The following PPFIA1 variants were observed in gnomAD, a reference collection of about 807,000 sequenced individuals.
The protein encoded by PPFIA1 is liprin-alpha-1.
A neutral mutation model predicts 149.9 loss-of-function variants in PPFIA1; 25 were observed. The observed-to-expected ratio is 0.17, with a 90% confidence interval of 0.12 to 0.23. The LOEUF (loss-of-function observed/expected upper bound fraction) is 0.23, where lower values mean the gene tolerates loss of function less well. Among genes scored for constraint, PPFIA1 ranks in the 10% least tolerant of loss-of-function variants. The probability of loss-of-function intolerance (pLI) is 1.00; values close to 1 mark genes in which losing one functional copy is unlikely to be tolerated. For missense variants in PPFIA1, 1,362 were observed against 1,506.5 expected (o/e 0.90, Z 1.59); for synonymous variants, 549 against 552.8 (o/e 0.99, Z 0.10).
At chr11:70,347,817 C>A (rs1453654066) in intron 15 of PPFIA1, among the ~76,000 whole-genome samples, 1 of 152,104 alleles carries the variant, frequency 6.6e-6, no homozygotes, top group Non-Finnish European at 1.5e-5. Context: ...GCCTGGCCAA[C>A]ATGGTGAAAC....
At chr11:70,348,129 T>A (rs1051501231) in intron 15 of PPFIA1, 60 bp from the exon 16 acceptor site, 1 of 1,479,178 alleles carries the variant, frequency 6.8e-7, no homozygotes, top group East Asian at 2.3e-5. Flanking sequence ...GTTTTTCTCA[T>A]GCAAACACAT....
chr11:70,274,291 C>CA (rs1198100667), intron 2 of PPFIA1, among the ~76,000 whole-genome samples: 1 of 152,138 alleles, frequency 6.6e-6, no homozygotes, highest in Non-Finnish European at 1.5e-5. Flanking sequence ...ATAACTATAG[C>CA]ATACAGCAGA....
chr11:70,353,408 C>T (rs1361825000), intron 16 of PPFIA1, among the ~76,000 whole-genome samples: 2 of 152,172 alleles, frequency 1.3e-5, no homozygotes, highest in African/African-American at 4.8e-5. Context: ...AAATAAAGTT[C>T]ACTGTTCAAG....
At chr11:70,316,362 A>G (rs60780459) in intron 2 of PPFIA1, among the ~76,000 whole-genome samples, 33,325 of 152,210 alleles carry the variant, frequency 0.22, 5,569 homozygotes, top group African/African-American at 0.46. Flanking sequence ...ATGTGCCACC[A>G]TGCCCTGCCA....
intron 2 of PPFIA1, among the ~76,000 whole-genome samples, chr11:70,272,728 A>G (rs972912417): frequency 1.3e-5 from 2 of 152,206 alleles, no homozygotes; most frequent in Non-Finnish European, 2.9e-5. Flanking sequence ...CTCTGAAGCA[A>G]CCAATCTATT....
At chr11:70,297,167 G>A (rs1485056889) in intron 2 of PPFIA1, among the ~76,000 whole-genome samples, 1 of 152,144 alleles carries the variant, frequency 6.6e-6, no homozygotes, top group Non-Finnish European at 1.5e-5. Flanking sequence ...CCAGCACTTT[G>A]GGAGGCTGAG....
In PPFIA1 at chr11:70,326,725, T is replaced by C. The variant is rs1380039613; in HGVS notation, c.837T>C (p.His279=). ...MKERLASLSS[H]VTELEEDLDT... is the part of the protein sequence containing the mutation. ...AACGCCTGGCTTCCCTTTCCAGTCA[T>C]GTGACAGAACTGGAAGAGGATCTGG... The change falls in exon 7 of 28, where the codon CAT becomes CAC. Residue 279 remains histidine, a synonymous_variant. Transcript: ENST00000253925. The C allele has an allele frequency of 1.2e-6, 2 of 1,614,148 alleles. No homozygotes were observed. Among genetic ancestry groups the C allele is most frequent in the Non-Finnish European group, 1.7e-6 (2 of 1,180,016 alleles).
At chr11:70,301,751 G>A (rs1338265564) in intron 2 of PPFIA1, among the ~76,000 whole-genome samples, 1 of 152,178 alleles carries the variant, frequency 6.6e-6, no homozygotes, top group Non-Finnish European at 1.5e-5. Context: ...TTCGTTTACA[G>A]TTGTGTATCT....
chr11:70,279,006 C>A, intron 2 of PPFIA1: 2 of 545,038 alleles, frequency 3.7e-6, no homozygotes, highest in Non-Finnish European at 3.5e-6. Flanking sequence ...GAAGAGAGAG[C>A]CCAATTCTTT....
intron 8 of PPFIA1, among the ~76,000 whole-genome samples, chr11:70,331,494 C>T (rs2054655399): frequency 6.6e-6 from 1 of 152,006 alleles, no homozygotes; most frequent in African/African-American, 2.4e-5. Context: ...GAAAACCTTA[C>T]CCAGGCCGGG....
chr11:70,279,126 A>G (rs765134360), intron 2 of PPFIA1: 5 of 544,312 alleles, frequency 9.2e-6, no homozygotes, highest in Non-Finnish European at 1.7e-5. Context: ...GTACTCCAGG[A>G]TGGCTGTGCT....
chr11:70,354,406 G>C lies in PPFIA1; in HGVS notation c.2269G>C (p.Gly757Arg), dbSNP rs769334632. 1 of 1,613,970 alleles carries C rather than the reference G, an allele frequency of 6.2e-7. No individual in the cohort carries two copies. Among genetic ancestry groups the C allele is most frequent in the South Asian group, 1.1e-5 (1 of 91,056 alleles). The change falls in exon 17 of 28, where the codon GGG (glycine) becomes CGG (arginine). Residue 757 changes from glycine (G) to arginine (R), a missense_variant. Around this residue, in one of 7 missense-constraint regions of PPFIA1, gnomAD observed 733 missense variants for 744.1 expected, o/e 0.99. Transcript: ENST00000253925. ...RALRLDRLHK[G>R]ALHTVSHEDI... is the part of the protein sequence containing the mutation. ...CCTTCGGTTAGACCGGCTGCACAAA[G>C]GGGCGCTGCACACCGTCAGCCACGA... is the stretch of plus-strand genomic sequence containing the variant.
At chr11:70,379,531 C>T (rs1440369984) in intron 26 of PPFIA1, among the ~76,000 whole-genome samples, 3 of 151,482 alleles carry the variant, frequency 2.0e-5, no homozygotes, top group African/African-American at 7.3e-5. Context: ...AATCCTAGCA[C>T]TTTGATAGGC....
intron 2 of PPFIA1, among the ~76,000 whole-genome samples, chr11:70,314,387 A>G (rs1042503726): frequency 3.3e-5 from 5 of 152,142 alleles, no homozygotes; most frequent in Non-Finnish European, 5.9e-5. Context: ...TGAACAAGTT[A>G]CGTGTCCATG....
At chr11:70,310,006 G>A (rs2053152800) in intron 2 of PPFIA1, among the ~76,000 whole-genome samples, 1 of 152,210 alleles carries the variant, frequency 6.6e-6, no homozygotes, top group Non-Finnish European at 1.5e-5. Context: ...AGAATTTTAT[G>A]TGACCTTTAT....
intron 16 of PPFIA1, among the ~76,000 whole-genome samples, chr11:70,348,900 A>T (rs1009069974): frequency 6.6e-6 from 1 of 152,138 alleles, no homozygotes; most frequent in African/African-American, 2.4e-5. Flanking sequence ...ATAAAAAAAA[A>T]TTTTAATATT....
chr11:70,330,108 T>TAG, intron 7 of PPFIA1, 65 bp from the exon 8 acceptor site: 1 of 1,415,030 alleles, frequency 7.1e-7, no homozygotes, highest in Non-Finnish European at 9.6e-7. Context: ...TTTTCTCTCT[T>TAG]AAGTATCTTA....
At chr11:70,308,008 A>G (rs2052983900) in intron 2 of PPFIA1, among the ~76,000 whole-genome samples, 1 of 152,226 alleles carries the variant, frequency 6.6e-6, no homozygotes. Context: ...TAGGGCCAAA[A>G]TGTATTTAGA....
chr11:70,355,661 C>T lies in PPFIA1; in HGVS notation c.2338C>T (p.Pro780Ser), dbSNP rs756766672. 5 of 1,611,348 alleles carry T rather than the reference C, an allele frequency of 3.1e-6. No homozygotes were observed. Among genetic ancestry groups the T allele is most frequent in the Non-Finnish European group, 4.2e-6 (5 of 1,179,072 alleles). The change falls in exon 18 of 28, where the codon CCC becomes TCC. Residue 780 changes from proline (P) to serine (S), a missense_variant. Pro to Ser is a moderately conservative substitution (Grantham distance 74, BLOSUM62 -1). This residue lies in a region of PPFIA1 where 733 missense variants were observed against 744.1 expected (regional missense o/e 0.99). Transcript: ENST00000253925. ...AAGCTCCACAGGCTCCCAGGATGGT[C>T]CCGTGAGCAACCCCAGCAGTAGCAA... is the stretch of plus-strand genomic sequence containing the variant. ...IRNSTGSQDG[P>S]VSNPSSSNSS...
Sources: allele counts gnomAD v4.1 joint callset (sites outside exome capture counted in the v4.1 genomes callset), GRCh38; gene constraint gnomAD v4.1.1; regional missense constraint gnomAD v4.1.1; transcripts MANE v1.5; gene names NCBI Gene and HGNC (gene_info 2026-07-23, HGNC 2026-07-21).